The following IGFL4 variants were observed in gnomAD, a reference collection of about 807,000 sequenced individuals.
IGFL4 encodes insulin growth factor-like family member 4.
In IGFL4, 12 loss-of-function variants were observed where a neutral mutation model predicts 15.4. The observed-to-expected ratio is 0.78, with a 90% CI of 0.50 to 1.26. IGFL4 has a LOEUF of 1.26. Among genes scored for constraint, IGFL4 ranks in the 50% most tolerant of loss-of-function variants. The pLI is 0.00. For missense variants in IGFL4, 126 were observed against 147.8 expected, an observed-to-expected ratio of 0.85 and a Z score of 0.76; for synonymous variants, 54 against 55.9, an observed-to-expected ratio of 0.97 and a Z score of 0.16.
chr19:46,046,629 C>T (rs181670837), intron 2 of IGFL4, among the ~76,000 whole-genome samples: 3 of 152,262 alleles, frequency 2.0e-5, no homozygotes, highest in East Asian at 3.9e-4. Flanking sequence ...ACCAAACAGA[C>T]TTTAAACCAA....
At chr19:46,049,975 G>A (rs557285951) in intron 2 of IGFL4, among the ~76,000 whole-genome samples, 2 of 152,288 alleles carry the variant, frequency 1.3e-5, no homozygotes, top group South Asian at 2.1e-4. Flanking sequence ...ACCTAAAGAC[G>A]GATCACATCA....
Position 46,040,551 on chromosome 19 carries a change from C to CA in IGFL4, c.36dup (p.Glu13Ter). On this transcript the variant is annotated frameshift_variant, in exon 2 of 4. Coordinates refer to ENST00000377697, the MANE Select transcript of IGFL4 (RefSeq NM_001002923.3). LOFTEE classifies it high-confidence loss of function. This position sits in a 1 kb window ranked among gnomAD's most constrained non-coding sequence, Gnocchi z 4.1. ...CCTTCTGAGTTTGAACCCAAAAGTT[C>CA]AAAAATGAAGATGGCAGCTGAGAAG... 1 of 1,614,002 alleles carries CA rather than the reference C, an allele frequency of 6.2e-7. No individual in the cohort carries two copies. Among genetic ancestry groups the CA allele is most frequent in the African/African-American group, 1.3e-5 (1 of 75,040 alleles).
intron 2 of IGFL4, among the ~76,000 whole-genome samples, chr19:46,053,516 G>A (rs1214268013): frequency 5.3e-5 from 8 of 152,066 alleles, no homozygotes; most frequent in Non-Finnish European, 1.0e-4. Context: ...TTATTCATTC[G>A]TCTGCTGTTG....
At chr19:46,048,647 C>T (rs113971475) in intron 2 of IGFL4, among the ~76,000 whole-genome samples, 6 of 151,926 alleles carry the variant, frequency 3.9e-5, no homozygotes, top group South Asian at 2.1e-4. Flanking sequence ...AGCCAAATCA[C>T]GAATGAACTC....
Position 46,072,243 on chromosome 19 carries a change from T to C in IGFL4, c.-432+4777A>G, listed in dbSNP as rs144043599. On this transcript the variant is annotated intron_variant, in intron 1 of 5. Transcript: ENST00000601672. ...TATTTGGACTCTGCCTGGGGACAGT[T>C]TCCCAACGGAAGTGCAAGTAGCAAG... 2.6e-3 allele frequency among the ~76,000 whole-genome samples: 400 copies of C among 152,314 alleles called. 1 individual carries two copies. The highest frequency in any genetic ancestry group is 7.1e-3 in the Admixed American group (109 of 15,298).
intron 2 of IGFL4, among the ~76,000 whole-genome samples, chr19:46,057,460 G>A (rs936072193): frequency 7.2e-5 from 11 of 152,114 alleles, no homozygotes; most frequent in Admixed American, 3.9e-4. Context: ...TAAATCAGCC[G>A]TGCTAACATT....
At chr19:46,047,368 C>T (rs1021390333) in intron 2 of IGFL4, among the ~76,000 whole-genome samples, 2 of 151,944 alleles carry the variant, frequency 1.3e-5, no homozygotes, top group Admixed American at 1.3e-4. Context: ...AAACCAACCC[C>T]AAAGCTAGCA....
rs190279574 is a variant in IGFL4 at position 46,055,979 on chromosome 19, G to T, written c.-323+4206C>A. Among the ~76,000 whole-genome samples the T allele has an allele frequency of 9.7e-4, 147 of 152,254 alleles. 1 individual carries two copies. The highest frequency in any genetic ancestry group is 3.5e-3 in the African/African-American group (145 of 41,540). On this transcript the variant is annotated intron_variant, in intron 2 of 5. Transcript: ENST00000601672. ...TTTAGTAGAGACAGGGTTTCACCAT[G>T]TTGGCCAGGCTGATCTCAAACTCCT...
chr19:46,046,052 C>CGAA (rs1276965258), intron 2 of IGFL4, among the ~76,000 whole-genome samples: 1 of 152,182 alleles, frequency 6.6e-6, no homozygotes, highest in East Asian at 1.9e-4. Flanking sequence ...GCCCATCAGA[C>CGAA]TACCAGCGGA....
chr19:46,061,009 C>CTT (rs991531195), intron 1 of IGFL4, among the ~76,000 whole-genome samples: 6 of 152,236 alleles, frequency 3.9e-5, no homozygotes, highest in African/African-American at 1.4e-4. Flanking sequence ...TAAGATAAAC[C>CTT]TTTTGTACTT....
intron 1 of IGFL4, among the ~76,000 whole-genome samples, chr19:46,076,252 C>T (rs1356267828): frequency 6.6e-6 from 1 of 152,176 alleles, no homozygotes; most frequent in Non-Finnish European, 1.5e-5. Context: ...TAAGTTTCAA[C>T]GTGAATCTTG....
At chr19:46,043,739 GA>G (rs956639252), upstream of IGFL4, among the ~76,000 whole-genome samples, 23 of 148,952 alleles carry the variant, frequency 1.5e-4, no homozygotes, top group South Asian at 6.3e-4. Context: ...GCATGCATAT[GA>G]AAAAAAAAAT....
intron 1 of IGFL4, among the ~76,000 whole-genome samples, chr19:46,071,763 G>A (rs977665110): frequency 4.6e-5 from 7 of 152,196 alleles, no homozygotes; most frequent in African/African-American, 1.4e-4. Context: ...GCTCACGCCC[G>A]TAATCCCAAC....
At chr19:46,068,299 AC>A in intron 1 of IGFL4, among the ~76,000 whole-genome samples, 1 of 152,304 alleles carries the variant, frequency 6.6e-6, no homozygotes, top group South Asian at 2.1e-4. Flanking sequence ...AGTGGCTTAG[AC>A]AGTAATCTGA....
upstream of IGFL4, among the ~76,000 whole-genome samples, chr19:46,045,990 A>T (rs1255896816): frequency 1.3e-5 from 2 of 152,206 alleles, no homozygotes; most frequent in Non-Finnish European, 2.9e-5. Context: ...GAAATGAAAG[A>T]AAAAATGTTA....
At chr19:46,053,396 G>A (rs1969365783) in intron 2 of IGFL4, among the ~76,000 whole-genome samples, 1 of 152,220 alleles carries the variant, frequency 6.6e-6, no homozygotes, top group South Asian at 2.1e-4. Flanking sequence ...TGTATTTTTA[G>A]TAGAGCCGGG....
At chr19:46,067,358 CT>C (rs568744467) in intron 1 of IGFL4, among the ~76,000 whole-genome samples, 220 of 152,282 alleles carry the variant, frequency 1.4e-3, no homozygotes, top group Middle Eastern at 6.8e-3. Context: ...AGCTCACTCC[CT>C]TCCCTGGATT....
At chr19:46,049,655 T>A (rs1427789211) in intron 2 of IGFL4, among the ~76,000 whole-genome samples, 1 of 152,120 alleles carries the variant, frequency 6.6e-6, no homozygotes, top group Non-Finnish European at 1.5e-5. Flanking sequence ...ACATGCCTAA[T>A]GCTGCCCCCA....
At chr19:46,067,273 C>T (rs1042199213) in intron 1 of IGFL4, among the ~76,000 whole-genome samples, 14 of 152,190 alleles carry the variant, frequency 9.2e-5, no homozygotes, top group Admixed American at 7.2e-4. Context: ...CATCCGCTTT[C>T]AGCCCAGGCC....
Sources: allele counts gnomAD v4.1 joint callset (sites outside exome capture counted in the v4.1 genomes callset), GRCh38; gene constraint gnomAD v4.1.1; non-coding constraint Gnocchi (gnomAD v3.1); transcripts MANE v1.5; gene names NCBI Gene and HGNC (gene_info 2026-07-23, HGNC 2026-07-21).